CDH2: variants seen among roughly 807,000 people sequenced by gnomAD.
CDH2 encodes the protein cadherin-2.
Under a neutral mutation model 92.0 loss-of-function variants are expected in CDH2, and 17 were observed. The observed-to-expected ratio is 0.18, with a 90% CI of 0.13 to 0.28. The LOEUF is 0.28. Among genes scored for constraint, CDH2 ranks in the 10% least tolerant of loss-of-function variants. The pLI, the probability that CDH2 is intolerant of heterozygous loss-of-function variation, is 1.00. For missense variants in CDH2, 862 were observed against 1,133.1 expected (o/e 0.76, Z 3.44); for synonymous variants, 419 against 415.9 (o/e 1.01, Z -0.09).
intron 2 of CDH2, among the ~76,000 whole-genome samples, chr18:28,036,845 A>C (rs775021847): frequency 3.9e-5 from 6 of 152,170 alleles, no homozygotes; most frequent in Non-Finnish European, 8.8e-5. Flanking sequence ...ATACAACGTA[A>C]GAATAAACTT....
At chr18:28,051,932 G>T (rs1830431681) in intron 2 of CDH2, among the ~76,000 whole-genome samples, 1 of 152,146 alleles carries the variant, frequency 6.6e-6, no homozygotes, top group Non-Finnish European at 1.5e-5. Flanking sequence ...ATAGCTATCA[G>T]AATTCTGCCA....
At chr18:28,043,478 A>T (rs1324199112) in intron 2 of CDH2, among the ~76,000 whole-genome samples, 1 of 95,238 alleles carries the variant, frequency 1.0e-5, no homozygotes, top group Non-Finnish European at 2.0e-5. Context: ...ATATATATAT[A>T]TATATATATA....
At position 28,041,505 on chromosome 18, in the gene CDH2, T is replaced by TGAAC. The variant is rs1476216018; in HGVS notation, c.173-27600_173-27597dup. Among the ~76,000 whole-genome samples, 4 of 152,174 alleles carry TGAAC rather than the reference T, an allele frequency of 2.6e-5. No individual in the cohort carries two copies. The East Asian group carries it at 7.7e-4, about 29-fold the overall frequency. On this transcript the variant is annotated intron_variant, in intron 2 of 15. Coordinates refer to ENST00000269141, the MANE Select transcript of CDH2 (RefSeq NM_001792.5). ...AGCCTCACCAGGCAATGTGCAAAGATGAACAGTCAGCAGGCAACTGTGTTT... is the reference window on the plus strand; with the variant it reads ...AGCCTCACCAGGCAATGTGCAAAGATGAACGAACAGTCAGCAGGCAACTGTGTTT...
At chr18:27,995,575 TAAG>T (rs1365301065) in intron 7 of CDH2, among the ~76,000 whole-genome samples, 2 of 152,176 alleles carry the variant, frequency 1.3e-5, no homozygotes, top group African/African-American at 4.8e-5. Context: ...GCTTATTTCT[TAAG>T]AAGTTAACTC....
chr18:27,966,388 T>G (rs2011535285), intron 14 of CDH2, among the ~76,000 whole-genome samples: 1 of 152,286 alleles, frequency 6.6e-6, no homozygotes, highest in South Asian at 2.1e-4. Context: ...AGGAATTTCG[T>G]TCATATAACT....
intron 2 of CDH2, among the ~76,000 whole-genome samples, chr18:28,091,772 T>C (rs1439375245): frequency 6.6e-6 from 1 of 152,172 alleles, no homozygotes; most frequent in Non-Finnish European, 1.5e-5. Context: ...ATCTTTTCAT[T>C]TGATTAACTG....
exon 7 of CDH2, among the ~76,000 whole-genome samples, chr18:27,932,993 C>T (rs796493078): frequency 2.6e-5 from 4 of 152,232 alleles, no homozygotes; most frequent in African/African-American, 9.6e-5. Context: ...ATTGTTGACC[C>T]TGGCACTCTT....
rs1005235930 is a variant in CDH2, at chr18:27,951,927, T to A, written c.*226A>T. ...TACAAAAAGGCACATAAAATCCCAG[T>A]GCTTCTGTACTGTAAAATTCAAGTG... On this transcript the variant is annotated 3_prime_UTR_variant, in exon 16 of 16. Transcript: ENST00000269141. 1.9e-6 allele frequency: 1 copy of A among 524,800 alleles called. No individual in the cohort carries two copies. Among genetic ancestry groups the A allele is most frequent in the African/African-American group, 1.9e-5 (1 of 52,488 alleles). The allele number at this position is 524,800 out of a possible 1,614,324, so 32.5% of individuals were successfully genotyped here. A position where few individuals can be genotyped will look rare whatever the true frequency, so the allele number is the denominator to read the frequency against.
At chr18:28,167,229 A>C (rs1195438906) in intron 1 of CDH2, among the ~76,000 whole-genome samples, 2 of 152,138 alleles carry the variant, frequency 1.3e-5, no homozygotes, top group Non-Finnish European at 1.5e-5. Flanking sequence ...AGAGACTATA[A>C]CTTAACAGAA....
chr18:28,045,231 A>G (rs2014050269), intron 2 of CDH2, among the ~76,000 whole-genome samples: 1 of 152,148 alleles, frequency 6.6e-6, no homozygotes, highest in Non-Finnish European at 1.5e-5. Flanking sequence ...CCAGGCACAT[A>G]GATTCTCTAA....
intron 7 of CDH2, among the ~76,000 whole-genome samples, chr18:27,999,516 T>C (rs1394795881): frequency 6.6e-6 from 1 of 152,108 alleles, no homozygotes. Context: ...ATTTCTTTCA[T>C]CTTATGAAGA....
intron 15 of CDH2, among the ~76,000 whole-genome samples, chr18:27,960,927 A>C (rs1337782699): frequency 6.6e-6 from 1 of 152,118 alleles, no homozygotes; most frequent in Non-Finnish European, 1.5e-5. Flanking sequence ...TTCCAAATGG[A>C]AATTCCTACT....
chr18:28,045,998 G>C (rs1008929703), intron 2 of CDH2, among the ~76,000 whole-genome samples: 4 of 152,134 alleles, frequency 2.6e-5, no homozygotes, highest in Non-Finnish European at 4.4e-5. Flanking sequence ...TATGATTTCT[G>C]CTCATTAAGA....
rs1466334212 is a variant in CDH2 at position 28,076,715 on chromosome 18, G to A, written c.173-62806C>T. Among the ~76,000 whole-genome samples, 7 of 112,462 alleles carry A rather than the reference G, an allele frequency of 6.2e-5. No homozygotes were observed. In the East Asian group the frequency reaches 1.3e-3, roughly 20 times the overall value. 73.8% of individuals were successfully genotyped at this position (112,462 alleles called of 152,430 possible). On this transcript the variant is annotated intron_variant, in intron 2 of 15. Coordinates refer to ENST00000269141, the MANE Select transcript of CDH2 (RefSeq NM_001792.5). ...CTCCCCCCACCCGACGACAGGCCCCGGTGTGTGATGTTCCCCTTCCTGTGT... is the reference window on the plus strand; with the variant it reads ...CTCCCCCCACCCGACGACAGGCCCCAGTGTGTGATGTTCCCCTTCCTGTGT...
rs1208985559 is a variant in CDH2 at position 27,951,630 on chromosome 18, AAAAAAC to A, written c.*517_*522del. On this transcript the variant is annotated 3_prime_UTR_variant, in exon 16 of 16. Transcript: ENST00000269141. ...AGTTTTAAGATTTTAGTGAAAAAAAAAAAAACAAACTAAAGTCTAAAACTAGAAGTA... is the reference window on the plus strand; with the variant it reads ...AGTTTTAAGATTTTAGTGAAAAAAAAAAACTAAAGTCTAAAACTAGAAGTA... 1 of 152,242 alleles carries A rather than the reference AAAAAAC, an allele frequency of 6.6e-6. No homozygotes were observed. The highest frequency in any genetic ancestry group is 1.5e-5 in the Non-Finnish European group (1 of 68,022). 9.4% of individuals were successfully genotyped at this position (152,242 alleles called of 1,614,324 possible).
At chr18:27,989,922 T>C (rs1327198644) in intron 10 of CDH2, among the ~76,000 whole-genome samples, 175 bp downstream of exon 10, 3 of 152,240 alleles carry the variant, frequency 2.0e-5, no homozygotes, top group Non-Finnish European at 4.4e-5. Context: ...TATCTATTTA[T>C]ATCTAATATA....
chr18:28,008,891 G>T (rs1437982607), intron 5 of CDH2, among the ~76,000 whole-genome samples: 1 of 152,148 alleles, frequency 6.6e-6, no homozygotes, highest in African/African-American at 2.4e-5. Flanking sequence ...TGTAGATGAT[G>T]GATCAATGGG....
chr18:28,028,611 A>G (rs554988535), intron 2 of CDH2, among the ~76,000 whole-genome samples: 14 of 152,272 alleles, frequency 9.2e-5, no homozygotes, highest in African/African-American at 3.4e-4. Flanking sequence ...AAAATTTACC[A>G]TCATAATACA....
At chr18:28,060,911 T>A (rs1004093543) in intron 2 of CDH2, among the ~76,000 whole-genome samples, 7 of 152,166 alleles carry the variant, frequency 4.6e-5, no homozygotes, top group East Asian at 1.9e-4. Context: ...ATCAGCATTT[T>A]AAAAAAATAA....
Sources: allele counts gnomAD v4.1 joint callset (sites outside exome capture counted in the v4.1 genomes callset), GRCh38; gene constraint gnomAD v4.1.1; transcripts MANE v1.5; gene names NCBI Gene and HGNC (gene_info 2026-07-23, HGNC 2026-07-21).